The following CTNNA3 variants were observed in gnomAD, a reference collection of about 807,000 sequenced individuals.
CTNNA3 encodes catenin alpha-3.
In CTNNA3, 76 loss-of-function variants were observed where a neutral mutation model predicts 95.7. That is an observed-to-expected ratio of 0.79 (90% CI 0.66 to 0.96). The LOEUF (loss-of-function observed/expected upper bound fraction) is 0.96, where lower values mean the gene tolerates loss of function less well. Among genes scored for constraint, CTNNA3 ranks in the 40% least tolerant of loss-of-function variants. CTNNA3 has a pLI of 0.00. For synonymous variants in CTNNA3, 431 were observed against 374.4 expected, an observed-to-expected ratio of 1.15 and a Z score of -1.74; for missense variants, 1,191 against 1,089.8, an observed-to-expected ratio of 1.09 and a Z score of -1.31.
At chr10:66,999,547 T>C (rs1032201169) in intron 7 of CTNNA3, among the ~76,000 whole-genome samples, 11 of 152,114 alleles carry the variant, frequency 7.2e-5, no homozygotes, top group African/African-American at 2.4e-4. Context: ...TTTCTAACTA[T>C]AGAGGTGATC....
At chr10:66,616,100 A>G (rs1844501411) in intron 10 of CTNNA3, among the ~76,000 whole-genome samples, 1 of 152,038 alleles carries the variant, frequency 6.6e-6, no homozygotes, top group Non-Finnish European at 1.5e-5. Context: ...TACTCCAGCA[A>G]TCATCCAGAT....
At chr10:67,359,309 CTCTGGT>C (rs1842920509) in intron 5 of CTNNA3, among the ~76,000 whole-genome samples, 1 of 151,132 alleles carries the variant, frequency 6.6e-6, no homozygotes, top group Admixed American at 6.6e-5. Flanking sequence ...AGTACAATGA[CTCTGGT>C]AATTAAAAAA....
At chr10:67,370,953 G>A (rs1843417320) in intron 5 of CTNNA3, among the ~76,000 whole-genome samples, 1 of 146,536 alleles carries the variant, frequency 6.8e-6, no homozygotes, top group African/African-American at 2.5e-5. Context: ...TGCAAGCTGC[G>A]CCTCCCGGGT....
At chr10:67,226,038 A>T (rs1001221162) in intron 5 of CTNNA3, among the ~76,000 whole-genome samples, 2 of 152,174 alleles carry the variant, frequency 1.3e-5, no homozygotes, top group African/African-American at 4.8e-5. Flanking sequence ...AACAACCACA[A>T]ATTCAGGAAA....
chr10:66,626,838 C>T (rs1471712338), intron 9 of CTNNA3, among the ~76,000 whole-genome samples: 1 of 152,006 alleles, frequency 6.6e-6, no homozygotes, highest in African/African-American at 2.4e-5. Context: ...GCATGGAAGA[C>T]AGAGGTGTAA....
chr10:66,680,178 TTG>T, intron 9 of CTNNA3, among the ~76,000 whole-genome samples: 3 of 151,280 alleles, frequency 2.0e-5, no homozygotes, highest in East Asian at 3.9e-4. Flanking sequence ...TTTTTTTTGT[TTG>T]TTTTTTGTTT....
chr10:67,700,741 AG>A (rs1841032070), upstream of CTNNA3, among the ~76,000 whole-genome samples: 1 of 152,246 alleles, frequency 6.6e-6, no homozygotes, highest in Non-Finnish European at 1.5e-5. Context: ...AAAGGAACGC[AG>A]CTCCTCACCA....
chr10:67,646,854 A>G (rs1002399271), intron 2 of CTNNA3, among the ~76,000 whole-genome samples: 1 of 152,184 alleles, frequency 6.6e-6, no homozygotes, highest in Non-Finnish European at 1.5e-5. Context: ...CTCGACTTAC[A>G]TAATAAAAAA....
At chr10:67,398,547 T>G (rs1844800839) in intron 5 of CTNNA3, among the ~76,000 whole-genome samples, 1 of 152,218 alleles carries the variant, frequency 6.6e-6, no homozygotes, top group Admixed American at 6.5e-5. Context: ...GGGTTAATGC[T>G]GGAATGAGTT....
intron 14 of CTNNA3, among the ~76,000 whole-genome samples, chr10:66,069,975 T>G (rs999241901): frequency 6.6e-6 from 1 of 152,118 alleles, no homozygotes; most frequent in Admixed American, 6.6e-5. Context: ...AAAACAATGA[T>G]GCTTTTAGTT....
At chr10:66,382,655 A>G (rs1009452812) in intron 11 of CTNNA3, among the ~76,000 whole-genome samples, 1 of 152,184 alleles carries the variant, frequency 6.6e-6, no homozygotes, top group Non-Finnish European at 1.5e-5. Context: ...ACCTCTGTGT[A>G]GCCTAACTGG....
chr10:66,465,185 G>C (rs1711804933), intron 11 of CTNNA3, among the ~76,000 whole-genome samples: 7 of 151,724 alleles, frequency 4.6e-5, no homozygotes, highest in Admixed American at 4.6e-4. Flanking sequence ...ATAGAACATA[G>C]TGTGTGACAA....
At chr10:67,192,825 C>A (rs1379177911) in intron 6 of CTNNA3, among the ~76,000 whole-genome samples, 3 of 151,678 alleles carry the variant, frequency 2.0e-5, no homozygotes, top group Non-Finnish European at 4.4e-5. Flanking sequence ...ATCACAATAG[C>A]CAAAACATGG....
intron 7 of CTNNA3, among the ~76,000 whole-genome samples, chr10:66,913,659 G>A (rs1846337200): frequency 6.6e-6 from 1 of 152,166 alleles, no homozygotes; most frequent in African/African-American, 2.4e-5. Context: ...GCTTACTGAA[G>A]GGGGACCTTA....
At chr10:66,534,473 T>TATATAC in intron 10 of CTNNA3, among the ~76,000 whole-genome samples, 1 of 564 alleles carries the variant, frequency 1.8e-3, no homozygotes, top group African/African-American at 0.01. Context: ...AAAAATCATA[T>TATATAC]ATATATATAT....
intron 11 of CTNNA3, among the ~76,000 whole-genome samples, chr10:66,509,045 TTTG>T (rs1383190847): frequency 1.3e-5 from 2 of 152,018 alleles, no homozygotes; most frequent in Non-Finnish European, 2.9e-5. Context: ...AACACCAGCG[TTTG>T]TTATTTATTT....
At chr10:67,642,233 A>G (rs567740870) in intron 2 of CTNNA3, among the ~76,000 whole-genome samples, 1 of 152,282 alleles carries the variant, frequency 6.6e-6, no homozygotes, top group African/African-American at 2.4e-5. Context: ...AGAAATTATC[A>G]TCAGAGTGAA....
At chr10:66,297,264 G>T (rs938511934) in intron 12 of CTNNA3, among the ~76,000 whole-genome samples, 3 of 151,780 alleles carry the variant, frequency 2.0e-5, no homozygotes, top group Non-Finnish European at 4.4e-5. Context: ...TGAAAAAGAC[G>T]GATCTACAGA....
intron 12 of CTNNA3, among the ~76,000 whole-genome samples, chr10:66,282,011 C>T (rs2091501392): frequency 6.6e-6 from 1 of 151,784 alleles, no homozygotes; most frequent in Non-Finnish European, 1.5e-5. Flanking sequence ...AATTCAATTC[C>T]TTAGTCATAC....
Sources: allele counts gnomAD v4.1 joint callset (sites outside exome capture counted in the v4.1 genomes callset), GRCh38; gene constraint gnomAD v4.1.1; transcripts MANE v1.5; gene names NCBI Gene and HGNC (gene_info 2026-07-23, HGNC 2026-07-21).